MAP2: variants seen among roughly 807,000 people sequenced by gnomAD.
The protein encoded by MAP2 is microtubule associated protein 2, also known as microtubule-associated protein 2.
A neutral mutation model predicts 137.6 loss-of-function variants in MAP2; 14 were observed. That is an observed-to-expected ratio of 0.10 (90% CI 0.07 to 0.16). MAP2 has a LOEUF of 0.16. MAP2 is among the 10% of genes least tolerant of loss of function. MAP2 has a pLI of 1.00. For missense variants in MAP2, 2,088 were observed against 2,191.5 expected, an observed-to-expected ratio of 0.95 and a Z score of 0.94; for synonymous variants, 786 against 782.3, an observed-to-expected ratio of 1.00 and a Z score of -0.08.
chr2:209,695,432 G>T lies in MAP2; in HGVS notation c.3262G>T (p.Ala1088Ser). Reference protein sequence around the residue: ...MTPSSKAPQEADAFMGVESGH... With the variant: ...MTPSSKAPQESDAFMGVESGH... The stretch of plus-strand genomic sequence containing the variant: ...CCCCTCATCCAAAGCACCGCAGGAG[G>T]CAGATGCATTTATGGGTGTTGAGTC... Residue 1088 changes from alanine to serine, a missense_variant, in exon 8 of 16, where the codon GCA becomes TCA. Physicochemically the swap from Ala to Ser is moderately conservative, Grantham distance 99. This residue lies in a region of MAP2 where 500 missense variants were observed against 482.9 expected (regional missense o/e 1.04). Coordinates refer to ENST00000682079, the MANE Select transcript of MAP2 (RefSeq NM_001375505.1). The T allele has an allele frequency of 1.2e-6, 2 of 1,613,668 alleles. No individual in the cohort carries two copies. The highest frequency in any genetic ancestry group is 1.7e-6 in the Non-Finnish European group (2 of 1,179,842).
intron 6 of MAP2, among the ~76,000 whole-genome samples, chr2:209,680,441 T>C (rs917838558): frequency 2.0e-5 from 3 of 152,174 alleles, no homozygotes; most frequent in African/African-American, 4.8e-5. Flanking sequence ...TGAAATATTT[T>C]ATTAATTGAA....
chr2:209,596,578 C>A (rs569950971), intron 3 of MAP2, among the ~76,000 whole-genome samples: 11 of 152,242 alleles, frequency 7.2e-5, no homozygotes, highest in Admixed American at 2.0e-4. Flanking sequence ...TTTATGGCCA[C>A]TATTAAAAGT....
chr2:209,557,825 G>A (rs1345332853), intron 2 of MAP2, among the ~76,000 whole-genome samples: 1 of 152,150 alleles, frequency 6.6e-6, no homozygotes, highest in East Asian at 1.9e-4. Context: ...GTGCACTGAG[G>A]GAGTTAGAAT....
rs930016264 is a variant in MAP2, at chr2:209,731,430, C to T, written c.*1033C>T. The T allele has an allele frequency of 2.0e-5, 3 of 152,466 alleles. No homozygotes were observed. The highest frequency in any genetic ancestry group is 4.4e-5 in the Non-Finnish European group (3 of 68,014). 9.4% of individuals were successfully genotyped at this position (152,466 alleles called of 1,614,324 possible). On this transcript the variant is annotated 3_prime_UTR_variant, in exon 16 of 16. Coordinates refer to ENST00000682079, the MANE Select transcript of MAP2 (RefSeq NM_001375505.1). ...TTTAGTGCCAGATACAAGTCTCTCC[C>T]GTGATGCTAGACAAAAAATTATTTT...
chr2:209,654,234 CA>C (rs2094991334), intron 5 of MAP2, among the ~76,000 whole-genome samples: 1 of 152,156 alleles, frequency 6.6e-6, no homozygotes, highest in South Asian at 2.1e-4. Flanking sequence ...AGATAGTTTA[CA>C]GTTTCAACAT....
chr2:209,538,020 A>T (rs770594185), intron 2 of MAP2, among the ~76,000 whole-genome samples: 1 of 152,212 alleles, frequency 6.6e-6, no homozygotes, highest in Non-Finnish European at 1.5e-5. Flanking sequence ...CCAGAGTCAC[A>T]GTCAGGCAGA....
intron 2 of MAP2, among the ~76,000 whole-genome samples, chr2:209,528,216 G>A (rs970984252): frequency 6.6e-6 from 1 of 151,650 alleles, no homozygotes; most frequent in South Asian, 2.1e-4. Flanking sequence ...TTCCCACATG[G>A]TATATGTATA....
rs188053437 is a variant in MAP2 at position 209,599,782 on chromosome 2, C to T, written c.-107+19682C>T. 8.6e-4 allele frequency among the ~76,000 whole-genome samples: 130 copies of T among 152,046 alleles called. 1 individual carries two copies. The East Asian group carries it at 0.012, about 14-fold the overall frequency. The stretch of plus-strand genomic sequence containing the variant: ...AATGTAGTGGAATAATAAGTCCGTA[C>T]TTTGAAATTGGATACCCTTGGGTTC... On this transcript the variant is annotated intron_variant, in intron 3 of 15. Transcript: ENST00000682079.
In MAP2 at chr2:209,655,791, A is replaced by G. The variant is rs117956655; in HGVS notation, c.262+2359A>G. ...TGTATTACATTTTTCCCTATAAAGG[A>G]TATTTCTCAGGACACTGTTAGCGTG... On this transcript the variant is annotated intron_variant, in intron 5 of 15. Transcript: ENST00000682079. Among the ~76,000 whole-genome samples the G allele has an allele frequency of 6.2e-4, 95 of 152,306 alleles. 1 individual carries two copies. In the East Asian group the frequency reaches 0.016, roughly 26 times the overall value.
intron 4 of MAP2, among the ~76,000 whole-genome samples, chr2:209,642,563 T>C (rs557337425): frequency 6.6e-6 from 1 of 152,308 alleles, no homozygotes; most frequent in East Asian, 1.9e-4. Flanking sequence ...AACCTAATGT[T>C]ATCTGTGCCT....
chr2:209,662,009 A>G (rs1049005529), intron 5 of MAP2, among the ~76,000 whole-genome samples: 1 of 152,232 alleles, frequency 6.6e-6, no homozygotes, highest in Non-Finnish European at 1.5e-5. Context: ...TCTGTAGTCC[A>G]GTCTTAAGGT....
intron 4 of MAP2, among the ~76,000 whole-genome samples, chr2:209,646,417 A>T (rs2094427869): frequency 6.6e-6 from 1 of 152,358 alleles, no homozygotes; most frequent in South Asian, 2.1e-4. Flanking sequence ...AGAGGAACTC[A>T]TTTAAGTATC....
intron 1 of MAP2, among the ~76,000 whole-genome samples, chr2:209,424,495 C>A (rs1180611051): frequency 6.6e-6 from 1 of 152,226 alleles, no homozygotes; most frequent in African/African-American, 2.4e-5. Context: ...CCGGACGCTA[C>A]TGGTACCTGA....
chr2:209,636,266 C>T (rs901841907), intron 4 of MAP2, among the ~76,000 whole-genome samples: 3 of 152,086 alleles, frequency 2.0e-5, no homozygotes, highest in African/African-American at 2.4e-5. Context: ...GTGAACAGAG[C>T]TCTAGGAAAG....
chr2:209,532,242 A>G (rs1309895462), intron 2 of MAP2, among the ~76,000 whole-genome samples: 1 of 136,018 alleles, frequency 7.4e-6, no homozygotes, highest in East Asian at 2.0e-4. Flanking sequence ...AGTCTCAGGA[A>G]AAAAAAAAAA....
intron 2 of MAP2, among the ~76,000 whole-genome samples, chr2:209,559,054 A>G (rs1316904209): frequency 2.0e-5 from 3 of 152,092 alleles, no homozygotes; most frequent in Admixed American, 1.3e-4. Context: ...AGCATACATC[A>G]GTGATTCTTA....
intron 1 of MAP2, among the ~76,000 whole-genome samples, chr2:209,505,479 T>A (rs75064431): frequency 0.021 from 3,225 of 152,280 alleles, 41 homozygotes; most frequent in Non-Finnish European, 0.033. Flanking sequence ...TTTTTGTCAT[T>A]CTTACTTCAT....
intron 2 of MAP2, among the ~76,000 whole-genome samples, chr2:209,532,417 T>C (rs995059906): frequency 1.3e-5 from 2 of 152,196 alleles, no homozygotes; most frequent in African/African-American, 2.4e-5. Flanking sequence ...TGTTATTTCA[T>C]TGAATCCTTT....
At chr2:209,652,867 T>G (rs2094901530) in intron 4 of MAP2, among the ~76,000 whole-genome samples, 2 of 151,588 alleles carry the variant, frequency 1.3e-5, no homozygotes, top group African/African-American at 4.9e-5. Flanking sequence ...TTTGGTTTTT[T>G]GTTTTGTTTT....
Sources: gnomAD v4.1 joint callset for allele counts (sites outside exome capture counted in the v4.1 genomes callset) on GRCh38, gnomAD v4.1.1 for gene constraint, gnomAD v4.1.1 regional missense constraint, MANE v1.5 for transcripts, NCBI Gene and HGNC (gene_info 2026-07-23, HGNC 2026-07-21) for gene names.